The following LARGE1 variants were observed in gnomAD, a reference collection of about 807,000 sequenced individuals.
The protein encoded by LARGE1 is xylosyl- and glucuronyltransferase LARGE1.
LARGE1 carries 43 observed loss-of-function variants against 87.6 expected under a neutral mutation model. The ratio of observed to expected loss-of-function variants is 0.49; its 90% CI spans 0.38 to 0.63. The LOEUF is 0.63. LARGE1 is among the 30% of genes least tolerant of loss of function. LARGE1 has a pLI of 0.00. For synonymous variants in LARGE1, 434 were observed against 394.6 expected (o/e 1.10, Z -1.18); for missense variants, 802 against 1,000.2 (o/e 0.80, Z 2.67).
At chr22:33,712,659 T>C (rs887444747) in intron 2 of LARGE1, among the ~76,000 whole-genome samples, 31 of 151,046 alleles carry the variant, frequency 2.1e-4, no homozygotes, top group Non-Finnish European at 4.0e-4. Context: ...TGTGTGTGTG[T>C]GTGTGTGTGT....
At chr22:33,671,208 GC>G (rs1297128768) in intron 2 of LARGE1, among the ~76,000 whole-genome samples, 1 of 152,164 alleles carries the variant, frequency 6.6e-6, no homozygotes, top group Non-Finnish European at 1.5e-5. Context: ...AAACCTCCCT[GC>G]TGCAGGAAGT....
chr22:33,376,468 A>G (rs73882209), intron 9 of LARGE1, among the ~76,000 whole-genome samples: 107 of 152,350 alleles, frequency 7.0e-4, no homozygotes, highest in African/African-American at 2.5e-3. Flanking sequence ...GGGCCACACA[A>G]GGTTCACCAA....
the LARGE1 span, among the ~76,000 whole-genome samples, chr22:33,085,593 C>A: frequency 6.6e-6 from 1 of 152,158 alleles, no homozygotes; most frequent in South Asian, 2.1e-4. Context: ...AATATCAATA[C>A]AATGTTCTTC....
intron 11 of LARGE1, among the ~76,000 whole-genome samples, chr22:33,228,896 A>C (rs1241212158): frequency 6.6e-6 from 1 of 152,108 alleles, no homozygotes; most frequent in Non-Finnish European, 1.5e-5. Flanking sequence ...AGAGAAAGAG[A>C]AAGGAAACAA....
chr22:33,456,608 GA>G (rs1355055026), intron 6 of LARGE1, among the ~76,000 whole-genome samples: 2 of 152,158 alleles, frequency 1.3e-5, no homozygotes, highest in African/African-American at 4.8e-5. Context: ...AGACATCATA[GA>G]AATGGCAGAA....
rs1464465103 is a variant in LARGE1, at chr22:33,272,642, C to G, written c.*1785G>C. ...ATACATAAGCCTAGCTAGATCTATG[C>G]AAAAATTAGTCCTAATGGTAATTTT... On this transcript the variant is annotated 3_prime_UTR_variant, in exon 15 of 15. Coordinates refer to ENST00000397394, the MANE Select transcript of LARGE1 (RefSeq NM_133642.5). Among the ~76,000 whole-genome samples the G allele has an allele frequency of 2.6e-5, 4 of 152,122 alleles. No homozygotes were observed. Among genetic ancestry groups the G allele is most frequent in the Non-Finnish European group, 1.5e-5 (1 of 68,024 alleles).
At chr22:33,078,264 A>G in the LARGE1 span, among the ~76,000 whole-genome samples, 1 of 152,222 alleles carries the variant, frequency 6.6e-6, no homozygotes, top group Non-Finnish European at 1.5e-5. Context: ...CCAAATTGTC[A>G]TCATTTAGCC....
chr22:33,908,783 C>A (rs2065534011), intron 1 of LARGE1, among the ~76,000 whole-genome samples: 1 of 152,070 alleles, frequency 6.6e-6, no homozygotes, highest in Non-Finnish European at 1.5e-5. Context: ...ATGGCTTACC[C>A]CACAATGCTG....
At chr22:33,685,706 T>C (rs559413204) in intron 2 of LARGE1, among the ~76,000 whole-genome samples, 1 of 152,338 alleles carries the variant, frequency 6.6e-6, no homozygotes, top group East Asian at 1.9e-4. Context: ...GCATTTAGGA[T>C]TGAGGCAGCT....
chr22:33,087,456 T>A, the LARGE1 span, among the ~76,000 whole-genome samples: 1 of 152,086 alleles, frequency 6.6e-6, no homozygotes, highest in Admixed American at 6.5e-5. Context: ...ACTGGATCAG[T>A]GATGTACTTA....
intron 9 of LARGE1, among the ~76,000 whole-genome samples, chr22:33,352,740 C>T (rs1940507712): frequency 1.3e-5 from 2 of 151,860 alleles, no homozygotes; most frequent in South Asian, 2.1e-4. Flanking sequence ...CCAGCCTGGG[C>T]GACAGAGCAA....
intron 14 of LARGE1, among the ~76,000 whole-genome samples, chr22:33,276,313 A>C (rs887570622): frequency 3.3e-5 from 5 of 152,180 alleles, no homozygotes; most frequent in African/African-American, 1.2e-4. Context: ...GGGGCTGAAA[A>C]ATTGAAGCAT....
At chr22:33,777,636 G>GAGGGGA (rs1192642232) in intron 1 of LARGE1, among the ~76,000 whole-genome samples, 1 of 132,142 alleles carries the variant, frequency 7.6e-6, no homozygotes, top group Non-Finnish European at 1.6e-5. Flanking sequence ...GAGAGGGAGG[G>GAGGGGA]AGGGGAAGGG....
intron 2 of LARGE1, among the ~76,000 whole-genome samples, chr22:33,666,120 T>C (rs1603054339): frequency 6.6e-6 from 1 of 152,200 alleles, no homozygotes; most frequent in African/African-American, 2.4e-5. Flanking sequence ...AGATGCCACT[T>C]GCAGGAAAGA....
intron 1 of LARGE1, among the ~76,000 whole-genome samples, chr22:33,876,342 A>G (rs1343448502): frequency 6.6e-6 from 1 of 151,934 alleles, no homozygotes; most frequent in Non-Finnish European, 1.5e-5. Flanking sequence ...AGGAGAGCAG[A>G]TACCCTTAGA....
chr22:33,893,395 ACT>A (rs2065053949), intron 1 of LARGE1, among the ~76,000 whole-genome samples: 1 of 152,006 alleles, frequency 6.6e-6, no homozygotes, highest in African/African-American at 2.4e-5. Context: ...GCCACCATTT[ACT>A]CCATTCACTC....
intron 2 of LARGE1, among the ~76,000 whole-genome samples, chr22:33,701,828 A>G (rs909933749): frequency 5.3e-5 from 8 of 152,236 alleles, no homozygotes; most frequent in African/African-American, 1.9e-4. Context: ...GGGAAGCAAC[A>G]TGGCAGTCCT....
intron 6 of LARGE1, among the ~76,000 whole-genome samples, chr22:33,466,727 C>CACACACACACA (rs59248263): frequency 8.8e-6 from 1 of 113,556 alleles, no homozygotes; most frequent in Non-Finnish European, 1.9e-5. Flanking sequence ...CACACACACA[C>CACACACACACA]TACACACACA....
At chr22:33,232,239 T>G (rs1340684655) in intron 11 of LARGE1, among the ~76,000 whole-genome samples, 1 of 152,234 alleles carries the variant, frequency 6.6e-6, no homozygotes, top group Non-Finnish European at 1.5e-5. Flanking sequence ...AGCCTAAAGA[T>G]CTGTGCCAAT....
Sources: gnomAD v4.1 joint callset for allele counts (sites outside exome capture counted in the v4.1 genomes callset) on GRCh38, gnomAD v4.1.1 for gene constraint, MANE v1.5 for transcripts, NCBI Gene and HGNC (gene_info 2026-07-23, HGNC 2026-07-21) for gene names.